The following RREB1 variants were observed in gnomAD, a reference collection of about 807,000 sequenced individuals.
RREB1 encodes the protein ras responsive element binding protein 1.
In RREB1, 27 loss-of-function variants were observed where a neutral mutation model predicts 117.8. The observed-to-expected ratio is 0.23, with a 90% CI of 0.17 to 0.32. The LOEUF (loss-of-function observed/expected upper bound fraction) is 0.32, where lower values mean the gene tolerates loss of function less well. RREB1 is among the 10% of genes least tolerant of loss of function. The pLI is 1.00. For missense variants in RREB1, 2,577 were observed against 2,378.2 expected (o/e 1.08, Z -1.74); for synonymous variants, 1,298 against 1,026.7 (o/e 1.26, Z -5.05).
rs1223970128 is a variant in RREB1 at position 7,246,596 on chromosome 6, C to A, written c.4146C>A (p.His1382Gln). ...ETASPVHREE[H>Q]GRGESHEPEE... ...CCTCGCCGGTGCACCGGGAAGAGCACGGGCGTGGGGAGAGCCATGAGCCGG... is the reference window on the plus strand; with the variant it reads ...CCTCGCCGGTGCACCGGGAAGAGCAAGGGCGTGGGGAGAGCCATGAGCCGG... The change falls in exon 12 of 13, where the codon CAC becomes CAA. Residue 1382 changes from histidine to glutamine, a missense_variant. His to Gln is a conservative substitution (Grantham distance 24). Coordinates refer to ENST00000379938, the MANE Select transcript of RREB1 (RefSeq NM_001003699.4). 2 of 1,556,386 alleles carry A rather than the reference C, an allele frequency of 1.3e-6. No individual in the cohort carries two copies. Among genetic ancestry groups the A allele is most frequent in the Non-Finnish European group, 1.7e-6 (2 of 1,150,490 alleles).
chr6:7,205,118 A>G (rs1766199640), intron 6 of RREB1, among the ~76,000 whole-genome samples: 1 of 152,228 alleles, frequency 6.6e-6, no homozygotes, highest in African/African-American at 2.4e-5. Flanking sequence ...CAAACGGTGC[A>G]GAGAGCTGGA....
At chr6:7,188,935 A>G (rs1581512652) in intron 5 of RREB1, among the ~76,000 whole-genome samples, 1 of 152,236 alleles carries the variant, frequency 6.6e-6, no homozygotes, top group Non-Finnish European at 1.5e-5. Context: ...CAGTAGAAGT[A>G]GTTTTCAAAA....
chr6:7,163,640 C>T (rs512976), intron 1 of RREB1, among the ~76,000 whole-genome samples: 31,352 of 151,944 alleles, frequency 0.21, 4,084 homozygotes, highest in African/African-American at 0.37. Flanking sequence ...ATGATCTGCC[C>T]GCCTCGGCCT....
chr6:7,208,173 A>G (rs1766380823), intron 6 of RREB1, among the ~76,000 whole-genome samples: 1 of 152,138 alleles, frequency 6.6e-6, no homozygotes, highest in Non-Finnish European at 1.5e-5. Flanking sequence ...AAGGATTGGA[A>G]TACTCTCTTT....
Position 7,109,716 on chromosome 6 carries a change from A to T in RREB1, c.-285+1656A>T, listed in dbSNP as rs548805081. Reference sequence around the variant, plus strand: ...TGGTTAGGAGATAGAACGTGAGCCCAGATCCGGACGAGCAGTTCACATTCC... The same window carrying T: ...TGGTTAGGAGATAGAACGTGAGCCCTGATCCGGACGAGCAGTTCACATTCC... On this transcript the variant is annotated intron_variant, in intron 1 of 12. Transcript: ENST00000379938. Among the ~76,000 whole-genome samples, 18 of 152,358 alleles carry T rather than the reference A, an allele frequency of 1.2e-4. No individual in the cohort carries two copies. In the South Asian group the frequency reaches 3.5e-3, roughly 30 times the overall value.
intron 4 of RREB1, among the ~76,000 whole-genome samples, chr6:7,182,587 G>A (rs923626054): frequency 9.9e-5 from 15 of 151,954 alleles, no homozygotes; most frequent in Admixed American, 9.8e-4. Flanking sequence ...TCAGAACAGG[G>A]TAAAGTAAAT....
rs749282677 is a variant in RREB1 at position 7,246,581 on chromosome 6, G to A, written c.4131G>A (p.Val1377=). 4.5e-6 allele frequency: 7 copies of A among 1,552,384 alleles called. No homozygotes were observed. The South Asian group carries it at 8.3e-5, about 18-fold the overall frequency. Residue 1377 remains valine (V), a synonymous_variant, in exon 12 of 13, where the codon GTG becomes GTA. Transcript: ENST00000379938. ...CCACGGCGGAAACGGCCTCGCCGGT[G>A]CACCGGGAAGAGCACGGGCGTGGGG... The part of the protein sequence containing the change: ...EQATAETASP[V]HREEHGRGES...
intron 8 of RREB1, among the ~76,000 whole-genome samples, chr6:7,221,261 C>T (rs563544277): frequency 7.2e-5 from 11 of 152,028 alleles, no homozygotes; most frequent in East Asian, 1.9e-4. Flanking sequence ...CTCCGCTTCC[C>T]GGGTTCACGC....
At chr6:7,199,098 G>T (rs1765804989) in intron 6 of RREB1, among the ~76,000 whole-genome samples, 2 of 152,050 alleles carry the variant, frequency 1.3e-5, no homozygotes, top group Admixed American at 6.6e-5. Flanking sequence ...GGGTGCTTTT[G>T]TTTTTACTTC....
rs1350487182 is a variant in RREB1 at position 7,248,942 on chromosome 6, G to A, written c.5203G>A (p.Ala1735Thr). The A allele has an allele frequency of 1.4e-5, 21 of 1,499,978 alleles. No individual in the cohort carries two copies. Among genetic ancestry groups the A allele is most frequent in the African/African-American group, 5.6e-5 (4 of 71,808 alleles). 92.9% of individuals were successfully genotyped at this position (1,499,978 alleles called of 1,614,324 possible). Reference sequence around the variant, plus strand: ...CCCAATCCTGGCCACAGCTGATGGCGCCTCCCAGCTCGTGGGGATGGAGTG... The same window carrying A: ...CCCAATCCTGGCCACAGCTGATGGCACCTCCCAGCTCGTGGGGATGGAGTG... ...AHPILATADG[A>T]SQLVGME The change falls in exon 13 of 13, where the codon GCC (alanine) becomes ACC (threonine). Residue 1735 changes from alanine (A) to threonine (T), a missense_variant. Transcript: ENST00000379938.
chr6:7,246,906 G>A lies in RREB1; in HGVS notation c.4456G>A (p.Ala1486Thr), dbSNP rs750694102. 4 of 1,554,260 alleles carry A rather than the reference G, an allele frequency of 2.6e-6. No homozygotes were observed. The highest frequency in any genetic ancestry group is 2.7e-5 in the African/African-American group (2 of 73,208). ...CGAGAAGGGAGATGGCGCCAGCACT[G>A]CAGAGGAGGGGCCCCAGCCCGCCCC... is the stretch of plus-strand genomic sequence containing the variant. ...KDEKGDGAST[A>T]EEGPQPAPEQ... The change falls in exon 12 of 13, where the codon GCA becomes ACA. Residue 1486 changes from alanine (A) to threonine (T), a missense_variant. By Grantham distance (58) the Ala-to-Thr change is moderately conservative. Coordinates refer to ENST00000379938, the MANE Select transcript of RREB1 (RefSeq NM_001003699.4).
intron 6 of RREB1, among the ~76,000 whole-genome samples, chr6:7,199,753 T>C (rs531369350): frequency 2.0e-5 from 3 of 152,158 alleles, no homozygotes; most frequent in African/African-American, 7.2e-5. Flanking sequence ...AACCTCAACC[T>C]CCCAGGCTCA....
intron 1 of RREB1, among the ~76,000 whole-genome samples, chr6:7,125,804 G>T (rs996504271): frequency 3.9e-5 from 6 of 152,052 alleles, no homozygotes; most frequent in African/African-American, 1.4e-4. Flanking sequence ...GAGCCGTGTG[G>T]ACTGGAGGGC....
At position 7,250,613 on chromosome 6, in the gene RREB1, C is replaced by T. The variant is rs1769366981; in HGVS notation, c.*1645C>T. The T allele has an allele frequency of 6.6e-6, 1 of 151,982 alleles. No individual in the cohort carries two copies. The highest frequency in any genetic ancestry group is 2.1e-4 in the South Asian group (1 of 4,816). The allele number at this position is 151,982 out of a possible 1,614,324, so 9.4% of individuals were successfully genotyped here. ...AGCCTCTTGCCTTCCCCTGGGGAGGCACCCCTGTACCCCAGCTTCCTTCCC... is the reference window on the plus strand; with the variant it reads ...AGCCTCTTGCCTTCCCCTGGGGAGGTACCCCTGTACCCCAGCTTCCTTCCC... On this transcript the variant is annotated 3_prime_UTR_variant, in exon 13 of 13. Coordinates refer to ENST00000379938, the MANE Select transcript of RREB1 (RefSeq NM_001003699.4).
At chr6:7,191,007 T>C (rs891704978) in intron 6 of RREB1, among the ~76,000 whole-genome samples, 7 of 152,228 alleles carry the variant, frequency 4.6e-5, no homozygotes, top group Non-Finnish European at 8.8e-5. Context: ...TGATCCTCCA[T>C]GAGACATCTC....
At chr6:7,196,526 GTGTAGTCATTGACAGTTGCTT>G (rs1765689273) in intron 6 of RREB1, among the ~76,000 whole-genome samples, 1 of 152,046 alleles carries the variant, frequency 6.6e-6, no homozygotes, top group Non-Finnish European at 1.5e-5. Flanking sequence ...ATTAAATTAT[GTGTAGTCATTGACAGTTGCTT>G]TGTAGCACTG....
chr6:7,170,941 G>C (rs1025832183), intron 1 of RREB1, among the ~76,000 whole-genome samples: 3 of 152,218 alleles, frequency 2.0e-5, no homozygotes, highest in African/African-American at 7.2e-5. Flanking sequence ...CCAGCCCCCA[G>C]AGGGTTTCTG....
chr6:7,119,377 G>A (rs756797728), intron 1 of RREB1, among the ~76,000 whole-genome samples: 24 of 152,150 alleles, frequency 1.6e-4, no homozygotes, highest in Admixed American at 1.4e-3. Context: ...CACGTGTTCA[G>A]CAACTAAGAA....
intron 6 of RREB1, among the ~76,000 whole-genome samples, chr6:7,204,378 A>G (rs1766156658): frequency 6.7e-6 from 1 of 148,882 alleles, no homozygotes; most frequent in Admixed American, 6.8e-5. Flanking sequence ...CATTACAAGC[A>G]TCATCCACAG....
Sources: allele counts gnomAD v4.1 joint callset (sites outside exome capture counted in the v4.1 genomes callset), GRCh38; gene constraint gnomAD v4.1.1; transcripts MANE v1.5; gene names NCBI Gene and HGNC (gene_info 2026-07-23, HGNC 2026-07-21).